The following PIGN variants were observed in gnomAD, a reference collection of about 807,000 sequenced individuals.
The protein encoded by PIGN is phosphatidylinositol glycan anchor biosynthesis class N, also known as GPI ethanolamine phosphate transferase 1.
Under a neutral mutation model 125.4 loss-of-function variants are expected in PIGN, and 117 were observed. The ratio of observed to expected loss-of-function variants is 0.93; its 90% CI spans 0.80 to 1.09. The LOEUF (loss-of-function observed/expected upper bound fraction) is 1.09. Among genes scored for constraint, PIGN ranks in the 50% least tolerant of loss-of-function variants. PIGN has a pLI of 0.00. For missense variants in PIGN, 1,075 were observed against 1,094.9 expected (o/e 0.98, Z 0.26); for synonymous variants, 392 against 377.8 (o/e 1.04, Z -0.44).
Position 62,045,670 on chromosome 18 carries a change from A to G in PIGN, c.*186T>C, listed in dbSNP as rs1389539144. ...ATATAATCACTATTTCATGCCTGCA[A>G]AACCTAGAAAAAAAAAGAAGCTCCT... On this transcript the variant is annotated 3_prime_UTR_variant, in exon 31 of 31. Coordinates refer to ENST00000640252, the MANE Select transcript of PIGN (RefSeq NM_176787.5). The G allele has an allele frequency of 2.2e-5, 10 of 462,630 alleles. No individual in the cohort carries two copies. Among genetic ancestry groups the G allele is most frequent in the Non-Finnish European group, 3.3e-5 (9 of 270,704 alleles). The allele number at this position is 462,630 out of a possible 1,614,324, so 28.7% of individuals were successfully genotyped here.
chr18:62,163,124 T>G (rs1432524919), intron 2 of PIGN, among the ~76,000 whole-genome samples: 1 of 152,156 alleles, frequency 6.6e-6, no homozygotes, highest in African/African-American at 2.4e-5. Context: ...TTATATCCAT[T>G]TTTATTTGCT....
At chr18:62,168,738 A>T (rs1386372141) in intron 1 of PIGN, among the ~76,000 whole-genome samples, 2 of 152,228 alleles carry the variant, frequency 1.3e-5, no homozygotes, top group African/African-American at 4.8e-5. Flanking sequence ...TAATTGACCA[A>T]AAAACTGTAC....
Position 62,077,373 on chromosome 18 carries a change from A to AAAAC in PIGN, c.2577-2556_2577-2553dup, listed in dbSNP as rs372819340. ...GGGTGACAGAGTGAGACTCTGCCTC[A>AAAAC]AAACAAACAAACAAACAAACAAACA... On this transcript the variant is annotated intron_variant, in intron 28 of 30. Coordinates refer to ENST00000640252, the MANE Select transcript of PIGN (RefSeq NM_176787.5). 2.9e-3 allele frequency among the ~76,000 whole-genome samples: 441 copies of AAAAC among 152,162 alleles called. 3 individuals are homozygous for AAAAC. Among genetic ancestry groups the AAAAC allele is most frequent in the African/African-American group, 9.6e-3 (399 of 41,534 alleles).
intron 25 of PIGN, among the ~76,000 whole-genome samples, chr18:62,087,540 G>A (rs1280517065): frequency 1.3e-5 from 2 of 152,204 alleles, no homozygotes; most frequent in Non-Finnish European, 2.9e-5. Flanking sequence ...AGGACAAGAT[G>A]AAATTATAAT....
intron 1 of PIGN, among the ~76,000 whole-genome samples, chr18:62,186,616 GC>G (rs1174500001): frequency 6.6e-6 from 1 of 152,192 alleles, no homozygotes; most frequent in Non-Finnish European, 1.5e-5. Context: ...GAGAAGTCGT[GC>G]TGTCGCTAGG....
At chr18:62,108,675 C>T (rs1294676827) in intron 17 of PIGN, among the ~76,000 whole-genome samples, 5 of 152,000 alleles carry the variant, frequency 3.3e-5, no homozygotes, top group African/African-American at 9.7e-5. Context: ...ACTGCAACCT[C>T]CACCTCCTGG....
At chr18:62,095,730 T>C (rs2034151869) in intron 23 of PIGN, 118 bp downstream of exon 23, 1 of 626,424 alleles carries the variant, frequency 1.6e-6, no homozygotes, top group Non-Finnish European at 2.9e-6. Flanking sequence ...ATTTATAATG[T>C]ATCCCTCAAG....
chr18:62,070,165 G>A (rs1040240253), intron 30 of PIGN: 12 of 373,602 alleles, frequency 3.2e-5, no homozygotes, highest in Admixed American at 1.8e-4. Flanking sequence ...GGGGCTTAGA[G>A]AGATTAAGTC....
chr18:62,116,511 T>G (rs952838108), intron 14 of PIGN, among the ~76,000 whole-genome samples: 4 of 152,212 alleles, frequency 2.6e-5, no homozygotes, highest in African/African-American at 9.6e-5. Flanking sequence ...AAGCTTCACC[T>G]AGCTGGTATC....
chr18:62,028,851 T>C (rs1461645831), intron 23 of PIGN, among the ~76,000 whole-genome samples: 4 of 152,254 alleles, frequency 2.6e-5, no homozygotes, highest in Non-Finnish European at 4.4e-5. Flanking sequence ...TTTTCACTGA[T>C]AGCAACACTG....
At chr18:62,160,315 G>A (rs903827157) in intron 4 of PIGN, among the ~76,000 whole-genome samples, 1 of 152,100 alleles carries the variant, frequency 6.6e-6, no homozygotes, top group Non-Finnish European at 1.5e-5. Flanking sequence ...GTAAGTCCAA[G>A]AAATTAAATA....
At chr18:62,035,831 A>G in intron 23 of PIGN, among the ~76,000 whole-genome samples, 1 of 152,166 alleles carries the variant, frequency 6.6e-6, no homozygotes, top group Non-Finnish European at 1.5e-5. Flanking sequence ...CAAGTATGTC[A>G]GGAACATAAT....
intron 11 of PIGN, 79 bp from the exon 12 acceptor site, chr18:62,140,558 T>C: frequency 1.4e-6 from 1 of 705,658 alleles, no homozygotes; most frequent in East Asian, 2.8e-5. Context: ...AACCATATTT[T>C]GGAAAATAAC....
chr18:62,113,014 T>A, intron 16 of PIGN, 120 bp downstream of exon 16: 1 of 709,478 alleles, frequency 1.4e-6, no homozygotes, highest in Non-Finnish European at 2.2e-6. Context: ...TAAAAGCAAA[T>A]GAAAGATAAA....
chr18:62,173,576 G>A (rs530533702), intron 1 of PIGN, among the ~76,000 whole-genome samples: 12 of 152,176 alleles, frequency 7.9e-5, no homozygotes, highest in South Asian at 6.2e-4. Context: ...TGTCCTTAGC[G>A]GATTCTGGCA....
intron 1 of PIGN, among the ~76,000 whole-genome samples, chr18:62,175,019 T>C (rs1290101281): frequency 1.4e-5 from 2 of 147,406 alleles, no homozygotes; most frequent in African/African-American, 4.9e-5. Flanking sequence ...GACATAAACA[T>C]TATATATATT....
chr18:62,117,781 T>A (rs1435045623), intron 14 of PIGN, among the ~76,000 whole-genome samples: 2 of 152,160 alleles, frequency 1.3e-5, no homozygotes, highest in Non-Finnish European at 2.9e-5. Flanking sequence ...CAAAGCTATT[T>A]TTTTTAGCTC....
In PIGN at chr18:62,106,891, C is replaced by T; in HGVS notation, c.1675-10G>A. On this transcript the variant is annotated splice_polypyrimidine_tract_variant and intron_variant, in intron 18 of 30. Transcript: ENST00000640252. Reference sequence around the variant, plus strand: ...AGAAAAAACTGAGAACCTAGTAATGCATTCCAAAGAAGGAATGAAAAATAA... The same window carrying T: ...AGAAAAAACTGAGAACCTAGTAATGTATTCCAAAGAAGGAATGAAAAATAA... 2 of 1,597,306 alleles carry T rather than the reference C, an allele frequency of 1.3e-6. No individual in the cohort carries two copies. Among genetic ancestry groups the T allele is most frequent in the Non-Finnish European group, 1.7e-6 (2 of 1,169,638 alleles).
intron 17 of PIGN, among the ~76,000 whole-genome samples, chr18:62,108,698 C>A (rs2034753457): frequency 6.6e-6 from 1 of 151,994 alleles, no homozygotes; most frequent in African/African-American, 2.4e-5. Context: ...TCAAGCAATT[C>A]TCATGCCTCA....
Sources: allele counts gnomAD v4.1 joint callset (sites outside exome capture counted in the v4.1 genomes callset), GRCh38; gene constraint gnomAD v4.1.1; transcripts MANE v1.5; gene names NCBI Gene and HGNC (gene_info 2026-07-23, HGNC 2026-07-21).